NPTN: variants seen among roughly 807,000 people sequenced by gnomAD.
The protein encoded by NPTN is neuroplastin, also known as SDR-1.
A neutral mutation model predicts 42.7 loss-of-function variants in NPTN; 5 were observed. The ratio of observed to expected loss-of-function variants is 0.12; its 90% CI spans 0.06 to 0.25. NPTN has a LOEUF of 0.25. Ranked by LOEUF, NPTN falls within the 10% of genes least tolerant of loss-of-function variation. NPTN has a pLI of 1.00. For missense variants in NPTN, 307 were observed against 525.4 expected (o/e 0.58, Z 4.06); for synonymous variants, 180 against 201.9 (o/e 0.89, Z 0.92).
chr15:73,600,933 A>G (rs1473351836), intron 1 of NPTN, among the ~76,000 whole-genome samples: 1 of 152,176 alleles, frequency 6.6e-6, no homozygotes, highest in Non-Finnish European at 1.5e-5. Flanking sequence ...TGCTCTGGAG[A>G]AGGCTGGCTT....
intron 1 of NPTN, among the ~76,000 whole-genome samples, chr15:73,611,016 A>AT (rs1207366667): frequency 4.6e-5 from 7 of 152,238 alleles, no homozygotes; most frequent in Non-Finnish European, 1.0e-4. Context: ...CATATGGACC[A>AT]TATGGACAAT....
chr15:73,573,610 C>T (rs371543931), intron 5 of NPTN, 52 bp downstream of exon 5: 42 of 1,513,112 alleles, frequency 2.8e-5, no homozygotes, highest in Non-Finnish European at 3.4e-5. Flanking sequence ...GTGTCTGGAC[C>T]TCTGCAGGGA....
At chr15:73,563,306 A>G in intron 6 of NPTN, 49 bp from the exon 7 acceptor site, 2 of 1,609,854 alleles carry the variant, frequency 1.2e-6, no homozygotes, top group Non-Finnish European at 1.7e-6. Context: ...AAGAGAAGAA[A>G]GGAGAAAACT....
intron 5 of NPTN, 108 bp downstream of exon 5, chr15:73,573,554 G>A (rs990511447): frequency 3.9e-6 from 5 of 1,273,354 alleles, no homozygotes; most frequent in Admixed American, 2.8e-5. Flanking sequence ...GGTGACCCTC[G>A]CCATGCACAC....
intron 1 of NPTN, among the ~76,000 whole-genome samples, chr15:73,618,085 G>A (rs1897950467): frequency 6.6e-6 from 1 of 152,150 alleles, no homozygotes. Context: ...TGGTAGCTCT[G>A]CAGGGAAGCA....
intron 4 of NPTN, among the ~76,000 whole-genome samples, chr15:73,576,636 T>A (rs1310512083): frequency 1.3e-5 from 2 of 152,124 alleles, no homozygotes; most frequent in Non-Finnish European, 2.9e-5. Flanking sequence ...GCTAAGAATG[T>A]CACTTTCTAA....
intron 2 of NPTN, among the ~76,000 whole-genome samples, chr15:73,596,430 C>T (rs1296333268): frequency 6.6e-6 from 1 of 152,176 alleles, no homozygotes; most frequent in East Asian, 1.9e-4. Context: ...AACAAGATGA[C>T]ACCAAGTCAC....
rs1894605801 is a variant in NPTN at position 73,560,624 on chromosome 15, A to C, written c.*439T>G. The stretch of plus-strand genomic sequence containing the variant: ...ATTTCTCCCACCCCCAAAAATATAA[A>C]TATATATATATATATATTTATATAC... On this transcript the variant is annotated 3_prime_UTR_variant, in exon 9 of 9. Coordinates refer to ENST00000345330, the MANE Select transcript of NPTN (RefSeq NM_012428.4). 1 of 146,040 alleles carries C rather than the reference A, an allele frequency of 6.8e-6. No homozygotes were observed. The highest frequency in any genetic ancestry group is 2.5e-5 in the African/African-American group (1 of 40,012). The allele number at this position is 146,040 out of a possible 1,614,324, so 9.0% of individuals were successfully genotyped here.
intron 2 of NPTN, 58 bp downstream of exon 2, chr15:73,596,964 G>A (rs1390635129): frequency 2.2e-6 from 3 of 1,374,326 alleles, no homozygotes; most frequent in Admixed American, 2.0e-5. Context: ...CAGAAGGGAA[G>A]GGTCATTGGG....
At chr15:73,622,105 C>T (rs550134725) in intron 1 of NPTN, among the ~76,000 whole-genome samples, 98 of 152,110 alleles carry the variant, frequency 6.4e-4, no homozygotes, top group African/African-American at 1.1e-3. Flanking sequence ...GAGCTGAGAT[C>T]GCGCCACTAC....
intron 3 of NPTN, among the ~76,000 whole-genome samples, chr15:73,588,179 G>A (rs1196381661): frequency 3.9e-5 from 6 of 152,180 alleles, no homozygotes; most frequent in Non-Finnish European, 8.8e-5. Context: ...AGCAGAGGTT[G>A]CAGTGAGCCA....
intron 4 of NPTN, among the ~76,000 whole-genome samples, chr15:73,575,379 A>G (rs1354858745): frequency 6.6e-6 from 1 of 152,194 alleles, no homozygotes; most frequent in African/African-American, 2.4e-5. Flanking sequence ...AGCCTCCCAA[A>G]GTGTTGGGAT....
intron 4 of NPTN, among the ~76,000 whole-genome samples, chr15:73,586,721 G>A (rs912696578): frequency 2.0e-5 from 3 of 152,146 alleles, no homozygotes; most frequent in African/African-American, 7.2e-5. Context: ...TAAGCAAAAT[G>A]AGAAAGACTG....
intron 1 of NPTN, among the ~76,000 whole-genome samples, chr15:73,607,083 G>A (rs953762158): frequency 6.6e-6 from 1 of 152,040 alleles, no homozygotes; most frequent in Non-Finnish European, 1.5e-5. Context: ...TCCATCCACT[G>A]ACCCCCACCT....
rs181585485 is a variant in NPTN, at chr15:73,621,454, C to T, written c.91+11671G>A. Among the ~76,000 whole-genome samples the T allele has an allele frequency of 7.9e-4, 120 of 152,274 alleles. 2 individuals are homozygous for T. The East Asian group carries it at 0.018, about 22-fold the overall frequency. On this transcript the variant is annotated intron_variant, in intron 1 of 8. Transcript: ENST00000345330. ...CTATTAAGGGTAAACACTATAAATA[C>T]CATGCCCTATAACTCAAAGCTAAAC...
chr15:73,612,337 T>C (rs966524513), intron 1 of NPTN, among the ~76,000 whole-genome samples: 9 of 150,280 alleles, frequency 6.0e-5, no homozygotes, highest in African/African-American at 2.2e-4. Flanking sequence ...GAGGAACACC[T>C]GGACCCAGGA....
chr15:73,573,398 G>C (rs1895515108), intron 5 of NPTN, among the ~76,000 whole-genome samples: 1 of 152,160 alleles, frequency 6.6e-6, no homozygotes, highest in Non-Finnish European at 1.5e-5. Context: ...AAGTTCTTTA[G>C]AGCAAAGTGA....
rs761296417 is a variant in NPTN, at chr15:73,560,150, AATCT to A, written c.*909_*912del. ...CCGCATGAGAACCGTTAGGTTATAA[AATCT>A]ATCATCAACCAGTAAATCAATGTGA... On this transcript the variant is annotated 3_prime_UTR_variant, in exon 9 of 9. Coordinates refer to ENST00000345330, the MANE Select transcript of NPTN (RefSeq NM_012428.4). The A allele has an allele frequency of 3.7e-5, 13 of 355,202 alleles. No individual in the cohort carries two copies. The highest frequency in any genetic ancestry group is 6.4e-5 in the African/African-American group (3 of 46,548). The allele number at this position is 355,202 out of a possible 1,614,324, so 22.0% of individuals were successfully genotyped here.
At chr15:73,582,363 T>C (rs1454036792) in intron 4 of NPTN, among the ~76,000 whole-genome samples, 1 of 152,158 alleles carries the variant, frequency 6.6e-6, no homozygotes, top group Non-Finnish European at 1.5e-5. Context: ...GAGTGAAGAT[T>C]TACTGCTTGC....
Sources: allele counts gnomAD v4.1 joint callset (sites outside exome capture counted in the v4.1 genomes callset), GRCh38; gene constraint gnomAD v4.1.1; transcripts MANE v1.5; gene names NCBI Gene and HGNC (gene_info 2026-07-23, HGNC 2026-07-21).